The following PCNX1 variants were observed in gnomAD, a reference collection of about 807,000 sequenced individuals.
PCNX1 encodes the protein pecanex-like protein 1.
Under a neutral mutation model 242.2 loss-of-function variants are expected in PCNX1, and 78 were observed. That is an observed-to-expected ratio of 0.32 (90% CI 0.27 to 0.39). The LOEUF is 0.39. PCNX1 is among the 10% of genes least tolerant of loss of function. The probability of loss-of-function intolerance (pLI) is 1.00; values close to 1 mark genes in which losing one functional copy is unlikely to be tolerated. For synonymous variants in PCNX1, 1,024 were observed against 1,032.9 expected (o/e 0.99, Z 0.17); for missense variants, 2,581 against 2,856.5 (o/e 0.90, Z 2.20).
Position 70,968,219 on chromosome 14 carries a change from C to T in PCNX1, c.490C>T (p.Leu164Phe). 1.2e-6 allele frequency: 2 copies of T among 1,613,108 alleles called. No individual in the cohort carries two copies. Among genetic ancestry groups the T allele is most frequent in the South Asian group, 2.2e-5 (2 of 91,028 alleles). The change falls in exon 4 of 36, where the codon CTT becomes TTT. Residue 164 changes from leucine (L) to phenylalanine (F), a missense_variant. Leu to Phe is a conservative substitution (Grantham distance 22, BLOSUM62 0). This residue lies in a region of PCNX1 where 1,204 missense variants were observed against 1,216.7 expected (regional missense o/e 0.99). Transcript: ENST00000304743. ...SNQIGSGSSR[L>F]GTAATIKGDT... The stretch of plus-strand genomic sequence containing the variant: ...TCAGATTGGATCTGGTTCCTCGCGT[C>T]TTGGAACAGCAGCAACTATTAAAGG...
At position 70,922,959 on chromosome 14, in the gene PCNX1, A is replaced by C. The variant is rs139800830; in HGVS notation, c.153+14956A>C. On this transcript the variant is annotated intron_variant, in intron 1 of 35. Coordinates refer to ENST00000304743, the MANE Select transcript of PCNX1 (RefSeq NM_014982.3). ...AATTTATATTCTCTCCAGGATGTGA[A>C]AGTATCTGTTTCCTTTTGTTTGTAC... is the stretch of plus-strand genomic sequence containing the variant. Among the ~76,000 whole-genome samples, 4 of 152,242 alleles carry C rather than the reference A, an allele frequency of 2.6e-5. No homozygotes were observed. The East Asian group carries it at 7.7e-4, about 29-fold the overall frequency.
chr14:70,989,423 T>C (rs1388465685), intron 7 of PCNX1, among the ~76,000 whole-genome samples: 2 of 152,054 alleles, frequency 1.3e-5, no homozygotes, highest in African/African-American at 2.4e-5. Flanking sequence ...GTAACTACTT[T>C]ATTCTTAATT....
At chr14:70,949,970 G>A (rs2057712617) in intron 2 of PCNX1, among the ~76,000 whole-genome samples, 1 of 152,204 alleles carries the variant, frequency 6.6e-6, no homozygotes, top group Non-Finnish European at 1.5e-5. Context: ...TGTTTCCACT[G>A]AGCATAATAT....
At chr14:71,028,651 T>C (rs1304781019) in intron 15 of PCNX1, 49 bp from the exon 16 acceptor site, 2 of 1,083,540 alleles carry the variant, frequency 1.8e-6, no homozygotes, top group Non-Finnish European at 2.8e-6. Context: ...TTTAATTATT[T>C]TCATATATTT....
At chr14:71,063,729 T>A (rs1345885664) in intron 26 of PCNX1, among the ~76,000 whole-genome samples, 1 of 152,222 alleles carries the variant, frequency 6.6e-6, no homozygotes, top group Non-Finnish European at 1.5e-5. Context: ...AATTTATTAT[T>A]TTTAAATTTT....
At chr14:70,951,248 T>C (rs1387525819) in intron 2 of PCNX1, among the ~76,000 whole-genome samples, 1 of 152,188 alleles carries the variant, frequency 6.6e-6, no homozygotes, top group Admixed American at 6.5e-5. Context: ...GCTTCATCTT[T>C]CTGCCTTTTT....
In PCNX1 at chr14:70,977,455, G is replaced by C. The variant is rs1272189145; in HGVS notation, c.1118G>C (p.Ser373Thr). ...KAEKSMDSLR[S>T]LSTRSSGSTE... ...GAGAAAAGCATGGACAGCTTGAGGA[G>C]CCTGAGCACACGGAGTAGTGGGTCA... Residue 373 changes from serine (S) to threonine (T), a missense_variant, in exon 6 of 36, where the codon AGC becomes ACC. Ser to Thr is a moderately conservative substitution (Grantham distance 58, BLOSUM62 1). Around this residue, in one of 9 missense-constraint regions of PCNX1, gnomAD observed 1,204 missense variants for 1,216.7 expected, o/e 0.99. Coordinates refer to ENST00000304743, the MANE Select transcript of PCNX1 (RefSeq NM_014982.3). The C allele has an allele frequency of 6.2e-7, 1 of 1,614,088 alleles. No individual in the cohort carries two copies. The highest frequency in any genetic ancestry group is 2.2e-5 in the East Asian group (1 of 44,880).
At chr14:71,067,906 C>G (rs774380055) in intron 26 of PCNX1, among the ~76,000 whole-genome samples, 2 of 151,772 alleles carry the variant, frequency 1.3e-5, no homozygotes, top group South Asian at 4.2e-4. Flanking sequence ...GCTGGTTGTT[C>G]AGTTTCACAA....
chr14:71,034,688 C>T (rs1476272759), intron 18 of PCNX1, among the ~76,000 whole-genome samples: 2 of 152,076 alleles, frequency 1.3e-5, no homozygotes, highest in African/African-American at 2.4e-5. Flanking sequence ...TTGCAAAAGA[C>T]TGAATTTATG....
At chr14:70,975,969 G>A (rs2058675819) in intron 5 of PCNX1, among the ~76,000 whole-genome samples, 1 of 151,924 alleles carries the variant, frequency 6.6e-6, no homozygotes, top group African/African-American at 2.4e-5. Context: ...AATTATTGCT[G>A]TTTTTACCAT....
chr14:71,003,062 C>T (rs1167677195), intron 8 of PCNX1, among the ~76,000 whole-genome samples: 1 of 135,374 alleles, frequency 7.4e-6, no homozygotes, highest in East Asian at 2.1e-4. Context: ...TTTTAAAAAT[C>T]GGGTTGTTGG....
At chr14:71,062,338 T>C (rs1286803950) in intron 26 of PCNX1, among the ~76,000 whole-genome samples, 4 of 152,202 alleles carry the variant, frequency 2.6e-5, no homozygotes, top group African/African-American at 9.6e-5. Context: ...TGTGTAGACC[T>C]TGGCTAGTGT....
At chr14:70,945,410 T>A (rs1302377237) in intron 1 of PCNX1, among the ~76,000 whole-genome samples, 2 of 152,002 alleles carry the variant, frequency 1.3e-5, no homozygotes, top group Non-Finnish European at 2.9e-5. Flanking sequence ...AGAAGTTTAA[T>A]TTTTTAGATA....
rs890318888 is a variant in PCNX1, at chr14:71,034,139, A to G, written c.3774+103A>G. ...GAAAGTCATTAGTAATTGGAGAAAA[A>G]TGTATAATTATAATTTATAGGATTA... On this transcript the variant is annotated intron_variant, in intron 18 of 35. Transcript: ENST00000304743. 18 of 627,434 alleles carry G rather than the reference A, an allele frequency of 2.9e-5. No homozygotes were observed. The African/African-American group carries it at 3.0e-4, about 10-fold the overall frequency. 38.9% of individuals were successfully genotyped at this position (627,434 alleles called of 1,614,324 possible).
intron 1 of PCNX1, among the ~76,000 whole-genome samples, chr14:70,924,420 A>G (rs1042574956): frequency 7.2e-5 from 11 of 152,090 alleles, no homozygotes; most frequent in African/African-American, 2.4e-4. Flanking sequence ...TGCATTTGTC[A>G]CAACCAGTGA....
At chr14:71,031,833 A>G (rs770273682) in intron 16 of PCNX1, 1 of 1,491,232 alleles carries the variant, frequency 6.7e-7, no homozygotes, top group Non-Finnish European at 9.3e-7. Flanking sequence ...GGATGGTGGC[A>G]TCGTCTGGCT....
At chr14:71,063,957 A>G (rs2061386258) in intron 26 of PCNX1, among the ~76,000 whole-genome samples, 1 of 151,776 alleles carries the variant, frequency 6.6e-6, no homozygotes, top group South Asian at 2.1e-4. Context: ...TTTCATGTTA[A>G]TTTTTTACTG....
intron 19 of PCNX1, among the ~76,000 whole-genome samples, chr14:71,042,666 G>T (rs1232550009): frequency 6.6e-6 from 1 of 151,866 alleles, no homozygotes; most frequent in East Asian, 1.9e-4. Flanking sequence ...TTGACATCAG[G>T]ATACACATCT....
intron 32 of PCNX1, among the ~76,000 whole-genome samples, 158 bp from the exon 33 acceptor site, chr14:71,105,077 G>A (rs981067996): frequency 1.1e-4 from 17 of 152,198 alleles, no homozygotes; most frequent in African/African-American, 3.6e-4. Flanking sequence ...CTTTGAAAAC[G>A]TAATGAGTTT....
Sources: allele counts gnomAD v4.1 joint callset (sites outside exome capture counted in the v4.1 genomes callset), GRCh38; gene constraint gnomAD v4.1.1; regional missense constraint gnomAD v4.1.1; transcripts MANE v1.5; gene names NCBI Gene and HGNC (gene_info 2026-07-23, HGNC 2026-07-21).